Variants in GTF2I observed in about 807,000 individuals in gnomAD.
GTF2I encodes the protein general transcription factor II-I.
Under a neutral mutation model 67.6 loss-of-function variants are expected in GTF2I, and 12 were observed. That is an observed-to-expected ratio of 0.18 (90% confidence interval 0.11 to 0.29). The LOEUF (loss-of-function observed/expected upper bound fraction) is 0.29. Among genes scored for constraint, GTF2I ranks in the 10% least tolerant of loss-of-function variants. GTF2I has a pLI of 1.00. For missense variants in GTF2I, 271 were observed against 580.1 expected, an observed-to-expected ratio of 0.47 and a Z score of 5.47; for synonymous variants, 149 against 197.0, an observed-to-expected ratio of 0.76 and a Z score of 2.04.
intron 1 of GTF2I, among the ~76,000 whole-genome samples, chr7:74,688,428 A>G (rs1787939175): frequency 6.6e-6 from 1 of 152,040 alleles, no homozygotes; most frequent in Non-Finnish European, 1.5e-5. Flanking sequence ...GGTAAAATAT[A>G]CTTAACATAA....
rs1249071744 is a variant in GTF2I, at chr7:74,737,142, G to A, written c.1619+459G>A. ...CTAGAGGCGGAGGTTGCAGTGAGCC[G>A]AGATCGTGCCACTGCACTCCAGCCT... On this transcript the variant is annotated intron_variant, in intron 18 of 34. Coordinates refer to ENST00000573035, the MANE Select transcript of GTF2I (RefSeq NM_032999.4). 5.4e-5 allele frequency among the ~76,000 whole-genome samples: 8 copies of A among 148,052 alleles called. 1 individual carries two copies. Among genetic ancestry groups the A allele is most frequent in the African/African-American group, 7.4e-5 (3 of 40,662 alleles).
intron 3 of GTF2I, among the ~76,000 whole-genome samples, chr7:74,693,264 A>ATT (rs1788524309): frequency 7.9e-6 from 1 of 126,558 alleles, no homozygotes; most frequent in Non-Finnish European, 1.6e-5. Flanking sequence ...GCTGTAGTGG[A>ATT]ATTTTTTTTT....
At chr7:74,685,466 C>A (rs1036597947) in intron 1 of GTF2I, among the ~76,000 whole-genome samples, 4 of 151,918 alleles carry the variant, frequency 2.6e-5, no homozygotes, top group Admixed American at 1.3e-4. Context: ...CATTGCACTT[C>A]AGCCTGGGCA....
chr7:74,712,376 C>T (rs587699611), intron 9 of GTF2I, among the ~76,000 whole-genome samples: 1 of 152,210 alleles, frequency 6.6e-6, no homozygotes, highest in East Asian at 1.9e-4. Context: ...TTTCTTTGGG[C>T]TCCCCCAAAT....
chr7:74,696,854 T>C (rs587741088), intron 3 of GTF2I, among the ~76,000 whole-genome samples: 1 of 152,192 alleles, frequency 6.6e-6, no homozygotes, highest in Non-Finnish European at 1.5e-5. Context: ...GGAGCAATAA[T>C]GGTCTTCTGG....
At chr7:74,684,887 ATT>A (rs1478118479) in intron 1 of GTF2I, 2 of 152,240 alleles carry the variant, frequency 1.3e-5, no homozygotes, top group African/African-American at 4.8e-5. Context: ...AAAAGCCGAG[ATT>A]TATTGAAAGT....
chr7:74,688,887 T>G, intron 1 of GTF2I: 1 of 418,140 alleles, frequency 2.4e-6, no homozygotes, highest in Non-Finnish European at 4.3e-6. Flanking sequence ...CTGGATTTAT[T>G]TGGGGTGTGA....
At chr7:74,687,063 G>C (rs1431102802) in intron 1 of GTF2I, among the ~76,000 whole-genome samples, 1 of 151,412 alleles carries the variant, frequency 6.6e-6, no homozygotes. Context: ...GCTAATTTTT[G>C]TATTTTTAGT....
intron 11 of GTF2I, among the ~76,000 whole-genome samples, chr7:74,717,652 C>G (rs1384586908): frequency 6.6e-6 from 1 of 152,044 alleles, no homozygotes; most frequent in Non-Finnish European, 1.5e-5. Context: ...ATAAATTGGT[C>G]ATGTTATCCC....
chr7:74,690,887 ATGT>A (rs34765995), intron 2 of GTF2I, 83 bp from the exon 3 acceptor site: 764,712 of 1,252,624 alleles, frequency 0.61, 241,504 homozygotes, highest in East Asian at 0.88. Flanking sequence ...CCTTTAAAAA[ATGT>A]TGTTAGTTTT....
chr7:74,680,770 CT>C (rs1787207181), intron 1 of GTF2I, among the ~76,000 whole-genome samples: 1 of 151,584 alleles, frequency 6.6e-6, no homozygotes, highest in Non-Finnish European at 1.5e-5. Flanking sequence ...TTGTTGTGTG[CT>C]GTTTGGTATT....
At chr7:74,698,565 C>T (rs1789284276) in intron 3 of GTF2I, among the ~76,000 whole-genome samples, 1 of 151,984 alleles carries the variant, frequency 6.6e-6, no homozygotes, top group South Asian at 2.1e-4. Flanking sequence ...AGACATACAA[C>T]ACTATACCTG....
chr7:74,719,562 A>G (rs1554404179), intron 12 of GTF2I, among the ~76,000 whole-genome samples: 1 of 152,248 alleles, frequency 6.6e-6, no homozygotes, highest in Non-Finnish European at 1.5e-5. Flanking sequence ...TTCAGCTAAT[A>G]GAATTATTAA....
chr7:74,660,317 G>C (rs587697314), intron 1 of GTF2I, among the ~76,000 whole-genome samples: 55 of 151,104 alleles, frequency 3.6e-4, no homozygotes, highest in African/African-American at 1.3e-3. Flanking sequence ...AGTCTCCCCC[G>C]AGTAGCTGGG....
chr7:74,678,079 C>T lies in GTF2I; in HGVS notation c.-5-11045C>T, dbSNP rs587720955. On this transcript the variant is annotated intron_variant, in intron 1 of 34. Coordinates refer to ENST00000573035, the MANE Select transcript of GTF2I (RefSeq NM_032999.4). ...TCTCTCTCTCTCTCTTTAATGGACA[C>T]GGGCTTACTCTGTCACCCAGGCTGG... Among the ~76,000 whole-genome samples the T allele has an allele frequency of 1.4e-4, 22 of 152,060 alleles. No homozygotes were observed. In the South Asian group the frequency reaches 2.3e-3, roughly 16 times the overall value.
Position 74,711,212 on chromosome 7 carries a change from C to G in GTF2I, c.763+103C>G, listed in dbSNP as rs1791503185. 3 of 582,076 alleles carry G rather than the reference C, an allele frequency of 5.2e-6. No individual in the cohort carries two copies. In the South Asian group the frequency reaches 6.9e-5, roughly 13 times the overall value. The allele number at this position is 582,076 out of a possible 1,614,324, so 36.1% of individuals were successfully genotyped here. On this transcript the variant is annotated intron_variant, in intron 9 of 34. Transcript: ENST00000573035. Reference sequence around the variant, plus strand: ...ATTTCTTAAATAATATTTTATTGATCAGTTCTTGATTGACATATATATTGT... The same window carrying G: ...ATTTCTTAAATAATATTTTATTGATGAGTTCTTGATTGACATATATATTGT...
At chr7:74,710,273 T>C (rs1562967197) in intron 8 of GTF2I, among the ~76,000 whole-genome samples, 1 of 152,206 alleles carries the variant, frequency 6.6e-6, no homozygotes, top group African/African-American at 2.4e-5. Flanking sequence ...TTGGTATGAC[T>C]GTGGTTGAAT....
chr7:74,671,237 C>T (rs1335571094), intron 1 of GTF2I, among the ~76,000 whole-genome samples: 1 of 151,784 alleles, frequency 6.6e-6, no homozygotes, highest in East Asian at 1.9e-4. Context: ...CAGGCGTGCA[C>T]CACCACACCC....
At position 74,705,198 on chromosome 7, in the gene GTF2I, A is replaced by G. The variant is rs782239284; in HGVS notation, c.621A>G (p.Ser207=). 4 of 1,604,126 alleles carry G rather than the reference A, an allele frequency of 2.5e-6. No homozygotes were observed. In the African/African-American group the frequency reaches 4.0e-5, roughly 16 times the overall value. The change falls in exon 7 of 35, where the codon TCA becomes TCG. Residue 207 remains serine (S), a synonymous_variant. Coordinates refer to ENST00000573035, the MANE Select transcript of GTF2I (RefSeq NM_032999.4). The stretch of plus-strand genomic sequence containing the variant: ...TGATGGTAACAGATGCTGACAGGTC[A>G]ATACTATCTCCAGGTGGAAGGTAAA... The part of the protein sequence containing the change: ...GRVMVTDADR[S]ILSPGGSCGP...
Sources: allele counts gnomAD v4.1 joint callset (sites outside exome capture counted in the v4.1 genomes callset), GRCh38; gene constraint gnomAD v4.1.1; transcripts MANE v1.5; gene names NCBI Gene and HGNC (gene_info 2026-07-23, HGNC 2026-07-21).